RAPGEF6: variants seen among roughly 807,000 people sequenced by gnomAD.
The protein encoded by RAPGEF6 is Rap guanine nucleotide exchange factor 6, also known as PDZ domain containing guanine nucleotide exchange factor (GEF) 2.
RAPGEF6 carries 56 observed loss-of-function variants against 171.4 expected under a neutral mutation model. The ratio of observed to expected loss-of-function variants is 0.33; its 90% CI spans 0.26 to 0.41. The LOEUF is 0.41. Ranked by LOEUF, RAPGEF6 falls within the 10% of genes least tolerant of loss-of-function variation. RAPGEF6 has a pLI of 1.00. For missense variants in RAPGEF6, 1,674 were observed against 1,921.4 expected (o/e 0.87, Z 2.41); for synonymous variants, 692 against 650.1 (o/e 1.06, Z -0.98).
At chr5:131,472,328 C>G (rs1168112725) in intron 17 of RAPGEF6, 1 of 452,834 alleles carries the variant, frequency 2.2e-6, no homozygotes, top group South Asian at 2.0e-5. Context: ...GCCTCGGCCT[C>G]CCAAAGTGCT....
intron 20 of RAPGEF6, 74 bp from the exon 21 acceptor site, chr5:131,453,251 A>G: frequency 6.7e-7 from 1 of 1,489,942 alleles, no homozygotes; most frequent in South Asian, 1.3e-5. Flanking sequence ...CAAGCTGGTA[A>G]TCTTGAGGGG....
At chr5:131,464,783 C>T (rs1026297614) in intron 17 of RAPGEF6, among the ~76,000 whole-genome samples, 3 of 152,136 alleles carry the variant, frequency 2.0e-5, no homozygotes, top group Non-Finnish European at 4.4e-5. Flanking sequence ...TTCTCAAAAA[C>T]AGAATTGCTG....
At chr5:131,538,862 T>C (rs1759949126) in intron 6 of RAPGEF6, among the ~76,000 whole-genome samples, 2 of 152,226 alleles carry the variant, frequency 1.3e-5, no homozygotes, top group Admixed American at 1.3e-4. Flanking sequence ...TTTTGTCTAT[T>C]TGTGGACTCA....
chr5:131,477,411 T>C (rs1484972400), intron 16 of RAPGEF6, among the ~76,000 whole-genome samples: 1 of 152,234 alleles, frequency 6.6e-6, no homozygotes, highest in Non-Finnish European at 1.5e-5. Flanking sequence ...CATTTTCTTG[T>C]TGGCACAAAG....
chr5:131,528,129 TTATATAATATATAC>T (rs1390214644), intron 6 of RAPGEF6, among the ~76,000 whole-genome samples: 1 of 110,136 alleles, frequency 9.1e-6, no homozygotes, highest in African/African-American at 3.8e-5. Flanking sequence ...AAAATATATA[TTATATAATATATAC>T]TATATATAAT....
intron 6 of RAPGEF6, among the ~76,000 whole-genome samples, chr5:131,522,403 CAA>C (rs1758556536): frequency 6.6e-6 from 1 of 152,098 alleles, no homozygotes; most frequent in Non-Finnish European, 1.5e-5. Flanking sequence ...TCAGGGCTAT[CAA>C]AATCAATTTA....
chr5:131,619,333 G>A (rs879664642), intron 1 of RAPGEF6, among the ~76,000 whole-genome samples: 1 of 152,066 alleles, frequency 6.6e-6, no homozygotes, highest in African/African-American at 2.4e-5. Context: ...TGGAGGGCGG[G>A]GGGGCATAGC....
chr5:131,481,635 T>A (rs1755490982), intron 15 of RAPGEF6, among the ~76,000 whole-genome samples: 1 of 152,220 alleles, frequency 6.6e-6, no homozygotes, highest in South Asian at 2.1e-4. Flanking sequence ...TCTATTTGCC[T>A]ACACCAAATT....
intron 3 of RAPGEF6, among the ~76,000 whole-genome samples, chr5:131,601,385 CAA>C (rs758602740): frequency 1.5e-4 from 8 of 54,288 alleles, no homozygotes; most frequent in Admixed American, 1.9e-4. Context: ...GACTCCGTCT[CAA>C]AAAAAAAAAA....
At chr5:131,544,855 G>A (rs1325076520) in intron 6 of RAPGEF6, among the ~76,000 whole-genome samples, 8 of 152,050 alleles carry the variant, frequency 5.3e-5, no homozygotes, top group Non-Finnish European at 8.8e-5. Flanking sequence ...GCTAATTTTT[G>A]TATTTTCAGG....
At chr5:131,448,023 T>TTCA in intron 21 of RAPGEF6, among the ~76,000 whole-genome samples, 1 of 152,320 alleles carries the variant, frequency 6.6e-6, no homozygotes, top group South Asian at 2.1e-4. Context: ...ATCTGACAAG[T>TTCA]TCAAGAACAT....
intron 21 of RAPGEF6, 33 bp from the exon 22 acceptor site, chr5:131,446,736 A>T (rs1752731689): frequency 6.4e-7 from 1 of 1,567,046 alleles, no homozygotes; most frequent in South Asian, 1.1e-5. Flanking sequence ...ATAAGGGGCT[A>T]TAGAGATGAG....
rs767603563 is a variant in RAPGEF6, at chr5:131,505,567, A to G, written c.943-45T>C. On this transcript the variant is annotated intron_variant, in intron 9 of 27. Transcript: ENST00000509018. Reference sequence around the variant, plus strand: ...TTTTATGAATCTTTTTAAAAAAGGTAGTTACATGTTAACTTTGAAAAAGAA... The same window carrying G: ...TTTTATGAATCTTTTTAAAAAAGGTGGTTACATGTTAACTTTGAAAAAGAA... 4.6e-6 allele frequency: 7 copies of G among 1,525,196 alleles called. No homozygotes were observed. The Admixed American group carries it at 1.1e-4, about 24-fold the overall frequency. The allele number at this position is 1,525,196 out of a possible 1,614,324, so 94.5% of individuals were successfully genotyped here.
intron 12 of RAPGEF6, among the ~76,000 whole-genome samples, chr5:131,496,001 G>A (rs951447635): frequency 6.6e-6 from 1 of 152,110 alleles, no homozygotes; most frequent in African/African-American, 2.4e-5. Flanking sequence ...AATCCATACC[G>A]AAAGCGTTTC....
chr5:131,431,698 C>T (rs1751722028), intron 25 of RAPGEF6, among the ~76,000 whole-genome samples: 1 of 151,674 alleles, frequency 6.6e-6, no homozygotes, highest in South Asian at 2.1e-4. Context: ...GATCATGATG[C>T]ACTGCAGCTT....
chr5:131,534,874 C>T lies in RAPGEF6; in HGVS notation c.495+13173G>A, dbSNP rs115573258. On this transcript the variant is annotated intron_variant, in intron 6 of 27. Coordinates refer to ENST00000509018, the MANE Select transcript of RAPGEF6 (RefSeq NM_016340.6). ...ACAGTAATTATATTCATGTATAGTA[C>T]CAACAGAATATATTATAGCCGAATC... 7.2e-3 allele frequency among the ~76,000 whole-genome samples: 1,096 copies of T among 152,022 alleles called. 7 individuals are homozygous for T. The highest frequency in any genetic ancestry group is 0.024 in the African/African-American group (1,015 of 41,456).
intron 11 of RAPGEF6, among the ~76,000 whole-genome samples, chr5:131,503,396 A>G (rs887179358): frequency 6.6e-6 from 1 of 152,370 alleles, no homozygotes; most frequent in African/African-American, 2.4e-5. Flanking sequence ...GTCCTCACAA[A>G]AAGATAAAAA....
rs201161139 is a variant in RAPGEF6 at position 131,427,236 on chromosome 5, T to C, written c.*30A>G. 1.0e-5 allele frequency: 16 copies of C among 1,599,578 alleles called. No homozygotes were observed. Among genetic ancestry groups the C allele is most frequent in the Non-Finnish European group, 1.4e-5 (16 of 1,166,946 alleles). On this transcript the variant is annotated 3_prime_UTR_variant, in exon 28 of 28. Coordinates refer to ENST00000509018, the MANE Select transcript of RAPGEF6 (RefSeq NM_016340.6). ...GTTCTTGCCCATTCCTCCACGACTT[T>C]CAGTGGTTTTCAAATAGGTCATCCA...
At chr5:131,445,894 T>C (rs953604576) in intron 22 of RAPGEF6, among the ~76,000 whole-genome samples, 7 of 152,198 alleles carry the variant, frequency 4.6e-5, no homozygotes, top group African/African-American at 9.6e-5. Context: ...TATTTCATTA[T>C]CTTTGATTTC....
Sources: gnomAD v4.1 joint callset for allele counts (sites outside exome capture counted in the v4.1 genomes callset) on GRCh38, gnomAD v4.1.1 for gene constraint, MANE v1.5 for transcripts, NCBI Gene and HGNC (gene_info 2026-07-23, HGNC 2026-07-21) for gene names.